Variants in ANXA4 observed in about 807,000 individuals in gnomAD.
ANXA4 encodes the protein 35-beta calcimedin.
A neutral mutation model predicts 49.8 loss-of-function variants in ANXA4; 39 were observed. That is an observed-to-expected ratio of 0.78 (90% CI 0.61 to 1.02). The LOEUF is 1.02. Among genes scored for constraint, ANXA4 ranks in the 50% least tolerant of loss-of-function variants. The probability of loss-of-function intolerance (pLI) is 0.00; values close to 1 mark genes in which losing one functional copy is unlikely to be tolerated. For synonymous variants in ANXA4, 134 were observed against 152.5 expected (o/e 0.88, Z 0.89); for missense variants, 360 against 410.1 (o/e 0.88, Z 1.05).
At chr2:69,715,679 C>T (rs1037916664) in intron 2 of ANXA4, among the ~76,000 whole-genome samples, 2 of 152,228 alleles carry the variant, frequency 1.3e-5, no homozygotes, top group African/African-American at 4.8e-5. Flanking sequence ...CCCAAAGTCA[C>T]ATAGTTACTA....
intron 9 of ANXA4, 74 bp downstream of exon 9, chr2:69,816,268 A>G (rs1252658492): frequency 1.5e-5 from 18 of 1,236,432 alleles, no homozygotes; most frequent in Non-Finnish European, 1.9e-5. Flanking sequence ...TAAGTAGTTG[A>G]TAACCTTCCT....
In ANXA4 at chr2:69,804,579, C is replaced by A. The variant is rs925335717; in HGVS notation, c.144C>A (p.Thr48=). 1 of 1,613,864 alleles carries A rather than the reference C, an allele frequency of 6.2e-7. No homozygotes were observed. Among genetic ancestry groups the A allele is most frequent in the Non-Finnish European group, 8.5e-7 (1 of 1,179,906 alleles). The change falls in exon 4 of 13, where the codon ACC becomes ACA. Residue 48 remains threonine, a synonymous_variant. Coordinates refer to ENST00000394295, the MANE Select transcript of ANXA4 (RefSeq NM_001153.5). ...AIISVLAYRN[T]AQRQEIRTAY... ...TTAGCGTCCTTGCCTACCGCAACAC[C>A]GCCCAGCGCCAGGAGATCAGGACAG...
intron 8 of ANXA4, 30 bp downstream of exon 8, chr2:69,812,739 G>A: frequency 6.2e-7 from 1 of 1,610,260 alleles, no homozygotes; most frequent in Non-Finnish European, 8.5e-7. Context: ...CTTTCTTCCA[G>A]CTTTCTTCTC....
chr2:69,740,394 A>G (rs1670354189), upstream of ANXA4, among the ~76,000 whole-genome samples: 1 of 151,820 alleles, frequency 6.6e-6, no homozygotes, highest in African/African-American at 2.4e-5. Context: ...GAAATGAATT[A>G]TCTGTATTTC....
At chr2:69,754,289 G>A (rs143647656) in intron 1 of ANXA4, among the ~76,000 whole-genome samples, 76 of 152,250 alleles carry the variant, frequency 5.0e-4, no homozygotes, top group African/African-American at 1.8e-3. Flanking sequence ...CTATACTTAC[G>A]AAATGCCCAT....
intron 2 of ANXA4, among the ~76,000 whole-genome samples, chr2:69,679,466 C>T (rs1251085905): frequency 4.6e-5 from 7 of 152,164 alleles, no homozygotes; most frequent in East Asian, 3.8e-4. Context: ...CTCTTCACTT[C>T]GTTGATTGTT....
At chr2:69,678,181 C>T (rs933796291) in intron 2 of ANXA4, among the ~76,000 whole-genome samples, 1 of 152,046 alleles carries the variant, frequency 6.6e-6, no homozygotes, top group Non-Finnish European at 1.5e-5. Flanking sequence ...ACATTTAGGC[C>T]ATTTACAATT....
At chr2:69,663,517 G>A (rs1676816408) in intron 2 of ANXA4, among the ~76,000 whole-genome samples, 1 of 151,610 alleles carries the variant, frequency 6.6e-6, no homozygotes, top group Non-Finnish European at 1.5e-5. Context: ...CAGAAATGCT[G>A]GGCATGGTGA....
upstream of ANXA4, among the ~76,000 whole-genome samples, chr2:69,737,276 C>T (rs1045748080): frequency 6.6e-6 from 1 of 152,150 alleles, no homozygotes; most frequent in Admixed American, 6.5e-5. Context: ...CACAATGTTG[C>T]CTTGGTGTGG....
At chr2:69,796,856 C>T (rs1211071006) in intron 3 of ANXA4, among the ~76,000 whole-genome samples, 1 of 152,260 alleles carries the variant, frequency 6.6e-6, no homozygotes, top group South Asian at 2.1e-4. Context: ...CTCCACAGAC[C>T]CGCCTGATAT....
chr2:69,807,752 C>T (rs1356277130), intron 5 of ANXA4, among the ~76,000 whole-genome samples, 154 bp from the exon 6 acceptor site: 4 of 152,164 alleles, frequency 2.6e-5, no homozygotes, highest in South Asian at 2.1e-4. Flanking sequence ...CTTTGGGTTT[C>T]GGGTGGGACA....
chr2:69,789,030 A>G (rs1302983855), intron 3 of ANXA4, among the ~76,000 whole-genome samples: 1 of 152,148 alleles, frequency 6.6e-6, no homozygotes, highest in African/African-American at 2.4e-5. Flanking sequence ...GATTTCCCCT[A>G]TTGTTTAAAC....
chr2:69,786,601 A>G (rs721566), intron 2 of ANXA4, among the ~76,000 whole-genome samples: 37,324 of 152,090 alleles, frequency 0.25, 5,255 homozygotes, highest in African/African-American at 0.38. Context: ...TTTATTTTTA[A>G]TTCATTTATT....
intron 2 of ANXA4, among the ~76,000 whole-genome samples, chr2:69,662,808 G>A (rs1449382381): frequency 6.6e-6 from 1 of 151,874 alleles, no homozygotes; most frequent in African/African-American, 2.4e-5. Context: ...TTAGGGTTGC[G>A]AGATAAAATA....
At chr2:69,679,838 A>C (rs903807482) in intron 2 of ANXA4, among the ~76,000 whole-genome samples, 17 of 152,056 alleles carry the variant, frequency 1.1e-4, no homozygotes, top group African/African-American at 4.1e-4. Context: ...TTACTTCCGG[A>C]TTCTGTGTTC....
intron 1 of ANXA4, among the ~76,000 whole-genome samples, chr2:69,761,835 A>G (rs1263223394): frequency 1.3e-5 from 2 of 152,108 alleles, no homozygotes; most frequent in East Asian, 3.8e-4. Flanking sequence ...CTAGAAAATA[A>G]TTTAATTATG....
intron 1 of ANXA4, among the ~76,000 whole-genome samples, chr2:69,769,643 G>T (rs1366321645): frequency 6.6e-6 from 1 of 152,142 alleles, no homozygotes; most frequent in Non-Finnish European, 1.5e-5. Flanking sequence ...GGCGTGGGAT[G>T]TTTTAAATTA....
intron 1 of ANXA4, among the ~76,000 whole-genome samples, chr2:69,757,487 A>G (rs1200615787): frequency 4.9e-5 from 7 of 141,516 alleles, no homozygotes; most frequent in Non-Finnish European, 1.1e-4. Flanking sequence ...GTTAGCCAAG[A>G]TGGTCTCGAT....
At chr2:69,797,009 A>C (rs894145370) in intron 3 of ANXA4, among the ~76,000 whole-genome samples, 5 of 152,110 alleles carry the variant, frequency 3.3e-5, no homozygotes, top group African/African-American at 1.2e-4. Context: ...GATAAGATTA[A>C]AATCAAGGTT....
Sources: gnomAD v4.1 joint callset for allele counts (sites outside exome capture counted in the v4.1 genomes callset) on GRCh38, gnomAD v4.1.1 for gene constraint, MANE v1.5 for transcripts, NCBI Gene and HGNC (gene_info 2026-07-23, HGNC 2026-07-21) for gene names.